The following ANXA6 variants were observed in gnomAD, a reference collection of about 807,000 sequenced individuals.
The protein encoded by ANXA6 is annexin A6.
In ANXA6, 71 loss-of-function variants were observed where a neutral mutation model predicts 95.4. The observed-to-expected ratio is 0.74, with a 90% CI of 0.61 to 0.91. The LOEUF is 0.91. Ranked by LOEUF, ANXA6 falls within the 40% of genes least tolerant of loss-of-function variation. ANXA6 has a pLI of 0.00. For synonymous variants in ANXA6, 289 were observed against 315.9 expected (o/e 0.91, Z 0.90); for missense variants, 830 against 876.4 (o/e 0.95, Z 0.67).
intron 11 of ANXA6, among the ~76,000 whole-genome samples, chr5:151,130,285 AGTACAGTGGC>A (rs1402842172): frequency 1.3e-5 from 2 of 150,888 alleles, no homozygotes; most frequent in Non-Finnish European, 2.9e-5. Context: ...TCCAGGCTAG[AGTACAGTGGC>A]GTGATCACAT....
chr5:151,104,806 C>T (rs940097187), intron 24 of ANXA6, among the ~76,000 whole-genome samples: 1 of 152,086 alleles, frequency 6.6e-6, no homozygotes, highest in Non-Finnish European at 1.5e-5. Context: ...ACCCTGTGTC[C>T]CCGGATAGAT....
At position 151,103,569 on chromosome 5, in the gene ANXA6, C is replaced by T; in HGVS notation, c.1962+1G>A. On this transcript the variant is annotated splice_donor_variant, in intron 25 of 25. Transcript: ENST00000354546. LOFTEE classifies it high-confidence loss of function. ...TGCTAACCTCTAGCCCCTCCCCTTA[C>T]CTCAATGGCTTGGTGGAGAGACTTG... 6.2e-7 allele frequency: 1 copy of T among 1,612,476 alleles called. No homozygotes were observed. The highest frequency in any genetic ancestry group is 8.5e-7 in the Non-Finnish European group (1 of 1,179,180).
intron 11 of ANXA6, among the ~76,000 whole-genome samples, chr5:151,130,233 C>G (rs376524812): frequency 1.3e-5 from 2 of 148,476 alleles, no homozygotes; most frequent in African/African-American, 5.0e-5. Context: ...TTTTTTTTTT[C>G]TTTTTCTTTT....
At position 151,144,709 on chromosome 5, in the gene ANXA6, C is replaced by T. The variant is rs528442587; in HGVS notation, c.18+3175G>A. 9.5e-4 allele frequency among the ~76,000 whole-genome samples: 145 copies of T among 152,278 alleles called. 1 individual carries two copies. The highest frequency in any genetic ancestry group is 3.4e-3 in the African/African-American group (141 of 41,562). ...TGGGGGAAGGGTGCTTAATGACCTACACAAGCCTTGATCCAAACGCTCACT... is the reference window on the plus strand; with the variant it reads ...TGGGGGAAGGGTGCTTAATGACCTATACAAGCCTTGATCCAAACGCTCACT... On this transcript the variant is annotated intron_variant, in intron 2 of 25. Transcript: ENST00000354546.
intron 20 of ANXA6, among the ~76,000 whole-genome samples, 183 bp downstream of exon 20, chr5:151,116,944 C>T (rs1429402530): frequency 6.6e-6 from 1 of 152,190 alleles, no homozygotes; most frequent in South Asian, 2.1e-4. Flanking sequence ...TAGGAAATGC[C>T]AGTAATACCA....
rs530594759 is a variant in ANXA6 at position 151,141,639 on chromosome 5, G to C, written c.19-1396C>G. ...CTGCAGGACCCCGGCCAGGCCTCTGGATGCTCTCTGGTCTCTGTCTGCAGA... is the reference window on the plus strand; with the variant it reads ...CTGCAGGACCCCGGCCAGGCCTCTGCATGCTCTCTGGTCTCTGTCTGCAGA... On this transcript the variant is annotated intron_variant, in intron 2 of 25. Coordinates refer to ENST00000354546, the MANE Select transcript of ANXA6 (RefSeq NM_001155.5). 5 of 985,482 alleles carry C rather than the reference G, an allele frequency of 5.1e-6. No individual in the cohort carries two copies. The African/African-American group carries it at 7.0e-5, about 14-fold the overall frequency. 61.0% of individuals were successfully genotyped at this position (985,482 alleles called of 1,614,324 possible). A position where few individuals can be genotyped will look rare whatever the true frequency, so the allele number is the denominator to read the frequency against.
At chr5:151,117,022 C>A in intron 20 of ANXA6, 105 bp downstream of exon 20, 1 of 1,077,308 alleles carries the variant, frequency 9.3e-7, no homozygotes, top group Non-Finnish European at 1.3e-6. Flanking sequence ...ACGCCCCTGC[C>A]AGGAGCCTTC....
chr5:151,117,308 A>G, intron 19 of ANXA6, 128 bp from the exon 20 acceptor site: 1 of 879,724 alleles, frequency 1.1e-6, no homozygotes, highest in Admixed American at 3.1e-5. Context: ...AGGGACGAAA[A>G]TCCTGCCTCT....
At chr5:151,138,485 A>C (rs1765732802) in intron 5 of ANXA6, among the ~76,000 whole-genome samples, 193 bp downstream of exon 5, 1 of 152,146 alleles carries the variant, frequency 6.6e-6, no homozygotes, top group African/African-American at 2.4e-5. Flanking sequence ...GGGGGTCTGC[A>C]TCATGTTGAC....
chr5:151,155,874 G>A lies in ANXA6; in HGVS notation c.-26+1806C>T, dbSNP rs113669013. Among the ~76,000 whole-genome samples, 13 of 152,190 alleles carry A rather than the reference G, an allele frequency of 8.5e-5. 1 individual carries two copies. The highest frequency in any genetic ancestry group is 4.6e-4 in the Admixed American group (7 of 15,292). Reference sequence around the variant, plus strand: ...TGGCAGGGCAGGGGCTGGGTCCGAGGCTGGATCCTGGTGGCCCAGGGCTCC... The same window carrying A: ...TGGCAGGGCAGGGGCTGGGTCCGAGACTGGATCCTGGTGGCCCAGGGCTCC... On this transcript the variant is annotated intron_variant, in intron 1 of 25. Coordinates refer to ENST00000354546, the MANE Select transcript of ANXA6 (RefSeq NM_001155.5).
intron 2 of ANXA6, chr5:151,140,605 T>TATATATATATA (rs1561583202): frequency 2.1e-5 from 3 of 144,324 alleles, no homozygotes; most frequent in Non-Finnish European, 4.5e-5. Flanking sequence ...TATATATATA[T>TATATATATATA]TTTAAGAGAT....
At chr5:151,135,201 G>C (rs1199122538) in intron 7 of ANXA6, among the ~76,000 whole-genome samples, 2 of 152,136 alleles carry the variant, frequency 1.3e-5, no homozygotes, top group East Asian at 1.9e-4. Flanking sequence ...AAACCCCCAG[G>C]GTTCTCTTTG....
In ANXA6 at chr5:151,110,646, T is replaced by G. The variant is rs1764823674; in HGVS notation, c.1573-2A>C. ...ACTCACCAAGATCTCAGCAGCCACC[T>G]GAGAGCAGGGAGGGGAGAGAGGAGG... On this transcript the variant is annotated splice_acceptor_variant, in intron 20 of 25. Transcript: ENST00000354546. LOFTEE classifies it high-confidence loss of function. 1 of 1,612,900 alleles carries G rather than the reference T, an allele frequency of 6.2e-7. No homozygotes were observed. The highest frequency in any genetic ancestry group is 1.3e-5 in the African/African-American group (1 of 74,800).
chr5:151,107,919 G>A (rs1764741939), intron 23 of ANXA6, among the ~76,000 whole-genome samples: 1 of 152,072 alleles, frequency 6.6e-6, no homozygotes, highest in Admixed American at 6.6e-5. Flanking sequence ...GCGTATATGT[G>A]GTGTGCATGG....
At position 151,124,224 on chromosome 5, in the gene ANXA6, G is replaced by A. The variant is rs188616401; in HGVS notation, c.1138+62C>T. On this transcript the variant is annotated intron_variant, in intron 15 of 25. Transcript: ENST00000354546. Reference sequence around the variant, plus strand: ...CTCACTCCATCCCCTGCCAGCCCACGGCCAAACCCACCACACCTGCTGCCC... The same window carrying A: ...CTCACTCCATCCCCTGCCAGCCCACAGCCAAACCCACCACACCTGCTGCCC... 254 of 1,481,560 alleles carry A rather than the reference G, an allele frequency of 1.7e-4. 1 individual carries two copies. The African/African-American group carries it at 2.4e-3, about 14-fold the overall frequency. 91.8% of individuals were successfully genotyped at this position (1,481,560 alleles called of 1,614,324 possible).
intron 2 of ANXA6, 102 bp from the exon 3 acceptor site, chr5:151,140,345 G>T: frequency 2.0e-6 from 2 of 977,628 alleles, no homozygotes; most frequent in South Asian, 1.4e-5. Flanking sequence ...AGGCTGAGCT[G>T]CTTTCCCTGC....
In ANXA6 at chr5:151,132,615, A is replaced by C. The variant is rs1364495469; in HGVS notation, c.641-44T>G. 3.3e-6 allele frequency: 5 copies of C among 1,521,386 alleles called. No individual in the cohort carries two copies. The Admixed American group carries it at 9.4e-5, about 29-fold the overall frequency. The allele number at this position is 1,521,386 out of a possible 1,614,324, so 94.2% of individuals were successfully genotyped here. On this transcript the variant is annotated intron_variant, in intron 9 of 25. Coordinates refer to ENST00000354546, the MANE Select transcript of ANXA6 (RefSeq NM_001155.5). ...CAGGGAGGTTTGAGAGTGCCTCTGT[A>C]CCCCCGAGAAGAAATGAGGACTTCA...
intron 20 of ANXA6, among the ~76,000 whole-genome samples, chr5:151,115,127 A>G (rs1764961905): frequency 6.6e-6 from 1 of 152,224 alleles, no homozygotes; most frequent in Admixed American, 6.5e-5. Flanking sequence ...CCATTAAATG[A>G]TATCGTTGAT....
chr5:151,144,170 G>T (rs745934), intron 2 of ANXA6, among the ~76,000 whole-genome samples: 41,089 of 152,022 alleles, frequency 0.27, 6,167 homozygotes, highest in East Asian at 0.63. Context: ...CCTGGGTAAG[G>T]GCAAGACTCT....
Sources: allele counts gnomAD v4.1 joint callset (sites outside exome capture counted in the v4.1 genomes callset), GRCh38; gene constraint gnomAD v4.1.1; transcripts MANE v1.5; gene names NCBI Gene and HGNC (gene_info 2026-07-23, HGNC 2026-07-21).